Variants in ASPH observed in about 807,000 individuals in gnomAD.
ASPH encodes aspartate beta-hydroxylase.
Under a neutral mutation model 118.4 loss-of-function variants are expected in ASPH, and 100 were observed. The observed-to-expected ratio is 0.84, with a 90% CI of 0.72 to 1.00. The LOEUF (loss-of-function observed/expected upper bound fraction) is 1.00. Ranked by LOEUF, ASPH falls within the 50% of genes least tolerant of loss-of-function variation. ASPH has a pLI of 0.00. For missense variants in ASPH, 920 were observed against 919.5 expected (o/e 1.00, Z -0.01); for synonymous variants, 315 against 325.6 (o/e 0.97, Z 0.35).
At chr8:61,545,286 C>T (rs1009681378) in intron 21 of ASPH, among the ~76,000 whole-genome samples, 3 of 152,174 alleles carry the variant, frequency 2.0e-5, no homozygotes, top group Non-Finnish European at 4.4e-5. Context: ...AAGAAAGCAC[C>T]ATCTACAAAC....
At chr8:61,665,395 G>T in intron 3 of ASPH, 1 of 1,612,724 alleles carries the variant, frequency 6.2e-7, no homozygotes, top group Non-Finnish European at 8.5e-7. Flanking sequence ...TATTTTCCTT[G>T]GTTTTAGCAC....
intron 22 of ASPH, among the ~76,000 whole-genome samples, chr8:61,518,335 T>C (rs1434194519): frequency 6.6e-6 from 1 of 152,204 alleles, no homozygotes; most frequent in African/African-American, 2.4e-5. Context: ...AGGTAGTGAC[T>C]GGCAGAGCAG....
At chr8:61,685,858 G>A (rs570771043) in intron 1 of ASPH, among the ~76,000 whole-genome samples, 9 of 150,540 alleles carry the variant, frequency 6.0e-5, no homozygotes, top group Non-Finnish European at 8.9e-5. Context: ...GCATGATCTC[G>A]GCTCGGTTCA....
intron 1 of ASPH, among the ~76,000 whole-genome samples, chr8:61,687,027 A>G (rs1336038207): frequency 2.0e-5 from 3 of 152,124 alleles, no homozygotes; most frequent in Non-Finnish European, 4.4e-5. Context: ...ATAAGCCTAT[A>G]CTGCAGTGAG....
intron 12 of ASPH, among the ~76,000 whole-genome samples, chr8:61,634,611 A>C (rs1175715787): frequency 6.6e-6 from 1 of 152,246 alleles, no homozygotes; most frequent in African/African-American, 2.4e-5. Context: ...AACCACTGTT[A>C]GTATCTGGCA....
rs374637413 is a variant in ASPH at position 61,689,731 on chromosome 8, C to T, written c.104-5543G>A. The T allele has an allele frequency of 2.0e-5, 31 of 1,528,400 alleles. No homozygotes were observed. In the African/African-American group the frequency reaches 4.4e-4, roughly 22 times the overall value. The allele number at this position is 1,528,400 out of a possible 1,614,324, so 94.7% of individuals were successfully genotyped here. On this transcript the variant is annotated intron_variant, in intron 1 of 24. Transcript: ENST00000379454. Reference sequence around the variant, plus strand: ...ATGAATAATAAATGCTAAAGTAAAACAAAACAAAAAAAAAAACTCAAAAGT... The same window carrying T: ...ATGAATAATAAATGCTAAAGTAAAATAAAACAAAAAAAAAAACTCAAAAGT...
At chr8:61,630,889 T>C (rs1855258348) in intron 13 of ASPH, among the ~76,000 whole-genome samples, 1 of 152,176 alleles carries the variant, frequency 6.6e-6, no homozygotes, top group African/African-American at 2.4e-5. Flanking sequence ...TCATAGGAGA[T>C]GACAACTCTA....
intron 17 of ASPH, among the ~76,000 whole-genome samples, chr8:61,564,519 G>C (rs1012731095): frequency 6.6e-6 from 1 of 152,074 alleles, no homozygotes; most frequent in Non-Finnish European, 1.5e-5. Context: ...GGCAGGTCTG[G>C]AACTCCTGAC....
intron 18 of ASPH, among the ~76,000 whole-genome samples, chr8:61,559,431 A>G (rs1440112372): frequency 6.6e-6 from 1 of 152,112 alleles, no homozygotes; most frequent in Admixed American, 6.5e-5. Flanking sequence ...CAAATGTAAT[A>G]TTAGACAGAT....
At chr8:61,640,763 A>G (rs1284740576) in intron 10 of ASPH, among the ~76,000 whole-genome samples, 1 of 152,242 alleles carries the variant, frequency 6.6e-6, no homozygotes, top group African/African-American at 2.4e-5. Flanking sequence ...TAAACAGTGT[A>G]TGAATAAATA....
In ASPH at chr8:61,548,166, C is replaced by A; in HGVS notation, c.1669G>T (p.Ala557Ser). The A allele has an allele frequency of 6.2e-7, 1 of 1,613,930 alleles. No homozygotes were observed. The highest frequency in any genetic ancestry group is 2.2e-5 in the East Asian group (1 of 44,876). ...TAGAGTGAGCGTTGCCAGACAGATG[C>A]AAAGTGTCCTCTCTTGTGCCCAAGC... ...YELGHKRGHF[A>S]SVWQRSLYNV... The change falls in exon 21 of 25, where the codon GCA becomes TCA. Residue 557 changes from alanine to serine, a missense_variant. Coordinates refer to ENST00000379454, the MANE Select transcript of ASPH (RefSeq NM_004318.4).
intron 21 of ASPH, among the ~76,000 whole-genome samples, chr8:61,538,015 T>C (rs1053027521): frequency 1.3e-5 from 2 of 152,206 alleles, no homozygotes; most frequent in Admixed American, 1.3e-4. Context: ...GGCTCATATC[T>C]AAATAGCACA....
chr8:61,714,257 A>AT lies in ASPH; in HGVS notation c.103+11_103+12insA. The stretch of plus-strand genomic sequence containing the variant: ...GCGAGGCCCCAGATCCCCGCCCCGC[A>AT]GGGCCTCTGACCTCTCCGGGCCCCG... On this transcript the variant is annotated intron_variant, in intron 1 of 24. Coordinates refer to ENST00000379454, the MANE Select transcript of ASPH (RefSeq NM_004318.4). The AT allele has an allele frequency of 6.7e-7, 1 of 1,483,674 alleles. No individual in the cohort carries two copies. Among genetic ancestry groups the AT allele is most frequent in the Non-Finnish European group, 8.9e-7 (1 of 1,119,078 alleles). 91.9% of individuals were successfully genotyped at this position (1,483,674 alleles called of 1,614,324 possible).
At chr8:61,662,961 T>C in intron 3 of ASPH, 1 of 985,418 alleles carries the variant, frequency 1.0e-6, no homozygotes, top group Non-Finnish European at 1.2e-6. Flanking sequence ...ACTTAAAAAC[T>C]AAGGTAAAAA....
chr8:61,653,554 G>A lies in ASPH; in HGVS notation c.415+14C>T. 1 of 1,612,264 alleles carries A rather than the reference G, an allele frequency of 6.2e-7. No individual in the cohort carries two copies. The highest frequency in any genetic ancestry group is 1.1e-5 in the South Asian group (1 of 90,684). On this transcript the variant is annotated intron_variant, in intron 4 of 24. Transcript: ENST00000379454. ...GCACACCTGGGCGAGACTCGAGGAT[G>A]AGGACAAGCTTACCTGCCTCCACAG...
chr8:61,643,069 C>T (rs975679312), intron 9 of ASPH, 149 bp from the exon 10 acceptor site: 27 of 775,534 alleles, frequency 3.5e-5, no homozygotes, highest in Non-Finnish European at 4.9e-5. Flanking sequence ...ATAAATGCCT[C>T]TGCCCAAAAG....
intron 17 of ASPH, among the ~76,000 whole-genome samples, chr8:61,564,688 T>G (rs11774171): frequency 6.6e-6 from 1 of 152,104 alleles, no homozygotes. Context: ...TTGTGCTGCA[T>G]GTTTTTGTTC....
intron 14 of ASPH, among the ~76,000 whole-genome samples, chr8:61,603,148 G>A (rs868496466): frequency 3.6e-4 from 45 of 125,950 alleles, no homozygotes; most frequent in Middle Eastern, 6.0e-3. Flanking sequence ...AGCCGAGATC[G>A]CACCACTGCA....
intron 21 of ASPH, among the ~76,000 whole-genome samples, chr8:61,527,692 G>T (rs1815955798): frequency 6.6e-6 from 1 of 152,130 alleles, no homozygotes; most frequent in Non-Finnish European, 1.5e-5. Context: ...GTGGCGGGGG[G>T]AAGGAGATGA....
Sources: gnomAD v4.1 joint callset for allele counts (sites outside exome capture counted in the v4.1 genomes callset) on GRCh38, gnomAD v4.1.1 for gene constraint, MANE v1.5 for transcripts, NCBI Gene and HGNC (gene_info 2026-07-23, HGNC 2026-07-21) for gene names.